Variants in EPB41 observed in about 807,000 individuals in gnomAD.
EPB41 encodes protein 4.1.
A neutral mutation model predicts 108.0 loss-of-function variants in EPB41; 65 were observed. The observed-to-expected ratio is 0.60, with a 90% CI of 0.49 to 0.74. The LOEUF (loss-of-function observed/expected upper bound fraction) is 0.74, where lower values mean the gene tolerates loss of function less well. Among genes scored for constraint, EPB41 ranks in the 30% least tolerant of loss-of-function variants. EPB41 has a pLI of 0.00. For synonymous variants in EPB41, 336 were observed against 358.9 expected, an observed-to-expected ratio of 0.94 and a Z score of 0.72; for missense variants, 875 against 1,037.0, an observed-to-expected ratio of 0.84 and a Z score of 2.15.
At chr1:29,030,775 C>CAA (rs112014000) in intron 8 of EPB41, among the ~76,000 whole-genome samples, 4 of 135,160 alleles carry the variant, frequency 3.0e-5, no homozygotes, top group African/African-American at 5.4e-5. Flanking sequence ...GACCCCGTCT[C>CAA]AAAAAAAAAA....
chr1:28,910,924 G>C, upstream of EPB41: 1 of 964,650 alleles, frequency 1.0e-6, no homozygotes, highest in Non-Finnish European at 1.2e-6. Context: ...CCTGGGGCTT[G>C]GGGCATAGCA....
At chr1:28,946,061 G>A (rs990479178) in intron 1 of EPB41, among the ~76,000 whole-genome samples, 1 of 152,096 alleles carries the variant, frequency 6.6e-6, no homozygotes, top group African/African-American at 2.4e-5. Flanking sequence ...ATGAATATAA[G>A]AGTGAAAACG....
intron 12 of EPB41, among the ~76,000 whole-genome samples, chr1:29,055,907 T>C (rs1169795846): frequency 9.6e-6 from 1 of 103,710 alleles, no homozygotes; most frequent in African/African-American, 4.0e-5. Flanking sequence ...CACGCCAGCC[T>C]GGGCAACAGA....
chr1:28,902,205 A>T, intron 1 of EPB41: 1 of 985,392 alleles, frequency 1.0e-6, no homozygotes, highest in Non-Finnish European at 1.2e-6. Context: ...TCCATTTGTC[A>T]GATCATACTT....
intron 12 of EPB41, 42 bp from the exon 13 acceptor site, chr1:29,058,547 C>T (rs769036225): frequency 1.1e-5 from 17 of 1,569,592 alleles, no homozygotes; most frequent in Non-Finnish European, 1.4e-5. Context: ...TAGAAACCTA[C>T]TAACCTAAAA....
In EPB41 at chr1:28,996,169, G is replaced by C. The variant is rs1292326451; in HGVS notation, c.682-1046G>C. ...CAGAAAAGTTAATTGAATCTACTCA[G>C]CTTGTTTAGCTAGTAAATGGAGGAG... is the stretch of plus-strand genomic sequence containing the variant. On this transcript the variant is annotated intron_variant, in intron 3 of 20. Coordinates refer to ENST00000343067, the MANE Select transcript of EPB41 (RefSeq NM_001376013.1). Among the ~76,000 whole-genome samples, 4 of 152,268 alleles carry C rather than the reference G, an allele frequency of 2.6e-5. No homozygotes were observed. The Middle Eastern group carries it at 0.01, about 388-fold the overall frequency.
intron 1 of EPB41, among the ~76,000 whole-genome samples, chr1:28,894,316 A>T (rs191096922): frequency 6.6e-6 from 1 of 152,182 alleles, no homozygotes; most frequent in Non-Finnish European, 1.5e-5. Flanking sequence ...GAAGATATTT[A>T]TTGACTGTTT....
At chr1:28,969,910 A>G (rs538060233) in intron 1 of EPB41, among the ~76,000 whole-genome samples, 10 of 152,140 alleles carry the variant, frequency 6.6e-5, no homozygotes, top group Non-Finnish European at 1.0e-4. Context: ...CAAAAAACAA[A>G]CAAACAAACA....
chr1:29,087,847 G>C (rs1483731047), intron 16 of EPB41, among the ~76,000 whole-genome samples: 1 of 152,014 alleles, frequency 6.6e-6, no homozygotes, highest in Non-Finnish European at 1.5e-5. Context: ...AGAAAATACT[G>C]AATTATCATA....
At chr1:28,977,944 A>AT (rs1463212440) in intron 1 of EPB41, among the ~76,000 whole-genome samples, 7 of 150,648 alleles carry the variant, frequency 4.6e-5, no homozygotes, top group Admixed American at 2.0e-4. Flanking sequence ...TATCAGTTTC[A>AT]TTTTATATTC....
upstream of EPB41, among the ~76,000 whole-genome samples, chr1:28,911,795 C>T (rs1022989837): frequency 1.3e-5 from 2 of 152,130 alleles, no homozygotes; most frequent in African/African-American, 4.8e-5. Context: ...GTAATCCCAG[C>T]ACTTTGGGAT....
chr1:28,985,392 A>G (rs1307166463), intron 1 of EPB41, among the ~76,000 whole-genome samples: 2 of 152,156 alleles, frequency 1.3e-5, no homozygotes, highest in Admixed American at 1.3e-4. Context: ...GAAGAAAGAC[A>G]TTTTAGCTGG....
At chr1:28,909,946 T>C (rs2092136892), upstream of EPB41, among the ~76,000 whole-genome samples, 1 of 150,980 alleles carries the variant, frequency 6.6e-6, no homozygotes, top group African/African-American at 2.4e-5. Context: ...TTGGTGGACA[T>C]GATGGCATGC....
chr1:29,016,342 ATT>A (rs11362146), intron 6 of EPB41, among the ~76,000 whole-genome samples: 148 of 135,742 alleles, frequency 1.1e-3, no homozygotes, highest in South Asian at 6.4e-3. Context: ...CGCCCTGCTA[ATT>A]TTTTTTTTTT....
At chr1:29,113,405 G>A (rs553482) in intron 19 of EPB41, among the ~76,000 whole-genome samples, 263 of 152,368 alleles carry the variant, frequency 1.7e-3, no homozygotes, top group African/African-American at 6.1e-3. Context: ...GCAGGGTTGA[G>A]AGTTACAGCT....
chr1:28,983,509 T>C (rs1055938605), intron 1 of EPB41, among the ~76,000 whole-genome samples: 7 of 152,046 alleles, frequency 4.6e-5, no homozygotes, highest in Admixed American at 2.0e-4. Context: ...TCAGACCCCT[T>C]ATAGTGAAGC....
At chr1:28,958,758 G>A (rs1431368763) in intron 1 of EPB41, among the ~76,000 whole-genome samples, 2 of 144,002 alleles carry the variant, frequency 1.4e-5, no homozygotes, top group African/African-American at 5.2e-5. Context: ...GGTGAAGGCT[G>A]CAGTGAGCCA....
chr1:28,952,639 T>C (rs1336418927), intron 1 of EPB41, among the ~76,000 whole-genome samples: 1 of 152,202 alleles, frequency 6.6e-6, no homozygotes, highest in Non-Finnish European at 1.5e-5. Flanking sequence ...CCACTCTTGG[T>C]ATGTTTCTTC....
intron 1 of EPB41, among the ~76,000 whole-genome samples, chr1:28,972,005 C>A (rs2095507232): frequency 6.6e-6 from 1 of 152,082 alleles, no homozygotes; most frequent in African/African-American, 2.4e-5. Context: ...GCTGATCCTC[C>A]CACCTCAGGC....
Sources: gnomAD v4.1 joint callset for allele counts (sites outside exome capture counted in the v4.1 genomes callset) on GRCh38, gnomAD v4.1.1 for gene constraint, MANE v1.5 for transcripts, NCBI Gene and HGNC (gene_info 2026-07-23, HGNC 2026-07-21) for gene names.